PAK5: variants seen among roughly 807,000 people sequenced by gnomAD.
The protein encoded by PAK5 is serine/threonine-protein kinase PAK 5.
Under a neutral mutation model 65.9 loss-of-function variants are expected in PAK5, and 16 were observed. That is an observed-to-expected ratio of 0.24 (90% CI 0.16 to 0.37). PAK5 has a LOEUF of 0.37. Ranked by LOEUF, PAK5 falls within the 10% of genes least tolerant of loss-of-function variation. The probability of loss-of-function intolerance (pLI) is 1.00; values close to 1 mark genes in which losing one functional copy is unlikely to be tolerated. For missense variants in PAK5, 785 were observed against 903.9 expected, an observed-to-expected ratio of 0.87 and a Z score of 1.69; for synonymous variants, 371 against 354.9, an observed-to-expected ratio of 1.05 and a Z score of -0.51.
chr20:9,612,430 T>C (rs1447092205), intron 3 of PAK5, among the ~76,000 whole-genome samples: 2 of 152,136 alleles, frequency 1.3e-5, no homozygotes. Flanking sequence ...TGGCATCTGC[T>C]CAGCTTCTGG....
At chr20:9,595,433 CA>C (rs2046246119) in intron 3 of PAK5, among the ~76,000 whole-genome samples, 1 of 152,162 alleles carries the variant, frequency 6.6e-6, no homozygotes, top group East Asian at 1.9e-4. Context: ...CAGAACAGCA[CA>C]AACCCTTGTA....
chr20:9,727,156 C>T (rs1024931152), intron 1 of PAK5, among the ~76,000 whole-genome samples: 2 of 152,060 alleles, frequency 1.3e-5, no homozygotes, highest in Admixed American at 6.5e-5. Context: ...CAAAAAAATA[C>T]ATTATTTTTT....
intron 1 of PAK5, among the ~76,000 whole-genome samples, chr20:9,730,600 T>A (rs1389246492): frequency 6.6e-6 from 1 of 152,186 alleles, no homozygotes; most frequent in East Asian, 1.9e-4. Flanking sequence ...AGACTCTTTG[T>A]AAAAGGTAGA....
At chr20:9,773,279 T>C (rs997530759) in intron 1 of PAK5, among the ~76,000 whole-genome samples, 1 of 152,164 alleles carries the variant, frequency 6.6e-6, no homozygotes, top group African/African-American at 2.4e-5. Flanking sequence ...AGGGTACATG[T>C]GCACAATGTG....
At chr20:9,598,305 C>T (rs2046306176) in intron 3 of PAK5, among the ~76,000 whole-genome samples, 1 of 152,224 alleles carries the variant, frequency 6.6e-6, no homozygotes, top group African/African-American at 2.4e-5. Context: ...CTTTTTATGG[C>T]TGTGTGGTAT....
chr20:9,712,953 C>T (rs962107563), intron 1 of PAK5, among the ~76,000 whole-genome samples: 2 of 151,960 alleles, frequency 1.3e-5, no homozygotes, highest in Non-Finnish European at 2.9e-5. Context: ...AGACATTGGT[C>T]TAGGCAAAGA....
At chr20:9,757,160 TAAACTA>T (rs2048644232) in intron 1 of PAK5, among the ~76,000 whole-genome samples, 1 of 152,152 alleles carries the variant, frequency 6.6e-6, no homozygotes, top group Non-Finnish European at 1.5e-5. Context: ...ACTTCCTCAA[TAAACTA>T]TACTTGTGTT....
intron 1 of PAK5, among the ~76,000 whole-genome samples, chr20:9,807,791 A>ATAATAATAT (rs1555929887): frequency 7.0e-4 from 105 of 150,480 alleles, no homozygotes; most frequent in African/African-American, 2.3e-3. Flanking sequence ...AATAATAATA[A>ATAATAATAT]ATCCAGTGCA....
At chr20:9,615,890 G>A (rs219860) in intron 3 of PAK5, among the ~76,000 whole-genome samples, 73 of 152,090 alleles carry the variant, frequency 4.8e-4, no homozygotes, top group African/African-American at 1.7e-3. Context: ...CACCACATGA[G>A]GCCTCTCCAG....
chr20:9,640,260 G>A (rs1330767193), intron 3 of PAK5, among the ~76,000 whole-genome samples: 4 of 131,844 alleles, frequency 3.0e-5, no homozygotes, highest in Admixed American at 1.9e-4. Context: ...CCCTTCCTGT[G>A]TCCATGTGTT....
intron 3 of PAK5, among the ~76,000 whole-genome samples, chr20:9,594,172 C>T (rs2046224373): frequency 6.6e-6 from 1 of 152,218 alleles, no homozygotes; most frequent in Non-Finnish European, 1.5e-5. Flanking sequence ...AGAACTTCTC[C>T]TCCTGCCACT....
At chr20:9,788,068 C>G (rs1031855229) in intron 1 of PAK5, among the ~76,000 whole-genome samples, 8 of 151,938 alleles carry the variant, frequency 5.3e-5, no homozygotes, top group Admixed American at 2.6e-4. Flanking sequence ...ACAATATTTT[C>G]TTTGTTTTCT....
chr20:9,623,189 G>A (rs1230749141), intron 3 of PAK5, among the ~76,000 whole-genome samples: 2 of 152,106 alleles, frequency 1.3e-5, no homozygotes, highest in South Asian at 2.1e-4. Flanking sequence ...GAAATAGGGA[G>A]GACATATTGC....
At chr20:9,645,504 T>A (rs2047122250) in intron 2 of PAK5, among the ~76,000 whole-genome samples, 1 of 152,218 alleles carries the variant, frequency 6.6e-6, no homozygotes, top group Non-Finnish European at 1.5e-5. Flanking sequence ...TGAAAGATGA[T>A]GTTTTGGCCT....
intron 1 of PAK5, among the ~76,000 whole-genome samples, chr20:9,717,067 G>A (rs1268160572): frequency 6.1e-5 from 9 of 148,590 alleles, no homozygotes; most frequent in African/African-American, 2.3e-4. Flanking sequence ...CCTGGGTGAC[G>A]GAGCCAGAAC....
At chr20:9,739,721 A>G (rs537419282) in intron 1 of PAK5, among the ~76,000 whole-genome samples, 24 of 152,286 alleles carry the variant, frequency 1.6e-4, no homozygotes, top group African/African-American at 5.8e-4. Context: ...TAATTTTCCA[A>G]GCATAATTTG....
At chr20:9,568,962 G>T (rs980904141) in intron 4 of PAK5, among the ~76,000 whole-genome samples, 4 of 152,212 alleles carry the variant, frequency 2.6e-5, no homozygotes, top group South Asian at 2.1e-4. Context: ...TCTGGAGGTG[G>T]ATCCTCCAGG....
rs140583089 is a variant in PAK5 at position 9,628,898 on chromosome 20, G to A, written c.204+15227C>T. 2.1e-3 allele frequency among the ~76,000 whole-genome samples: 318 copies of A among 152,270 alleles called. 1 individual carries two copies. Among genetic ancestry groups the A allele is most frequent in the African/African-American group, 7.4e-3 (306 of 41,546 alleles). ...GCACAACCAAGAAAGCTTGGAGTTG[G>A]TGGGTAGATGTCCCAACTTCCTTGC... On this transcript the variant is annotated intron_variant, in intron 3 of 9. Transcript: ENST00000353224.
At chr20:9,766,933 G>A (rs2048775171) in intron 1 of PAK5, among the ~76,000 whole-genome samples, 1 of 151,836 alleles carries the variant, frequency 6.6e-6, no homozygotes, top group Admixed American at 6.6e-5. Context: ...AGAGAGAGAA[G>A]AGACAAGAGA....
Sources: allele counts gnomAD v4.1 joint callset (sites outside exome capture counted in the v4.1 genomes callset), GRCh38; gene constraint gnomAD v4.1.1; transcripts MANE v1.5; gene names NCBI Gene and HGNC (gene_info 2026-07-23, HGNC 2026-07-21).